Variants in CLPB observed in about 807,000 individuals in gnomAD.
The protein encoded by CLPB is mitochondrial disaggregase.
CLPB carries 40 observed loss-of-function variants against 78.4 expected under a neutral mutation model. That is an observed-to-expected ratio of 0.51 (90% confidence interval 0.40 to 0.66). CLPB has a LOEUF of 0.66. CLPB is among the 30% of genes least tolerant of loss of function. The probability of loss-of-function intolerance (pLI) is 0.00; values close to 1 mark genes in which losing one functional copy is unlikely to be tolerated. For synonymous variants in CLPB, 333 were observed against 348.0 expected, an observed-to-expected ratio of 0.96 and a Z score of 0.48; for missense variants, 780 against 886.9, an observed-to-expected ratio of 0.88 and a Z score of 1.53.
chr11:72,376,292 T>G (rs542476468), intron 4 of CLPB, among the ~76,000 whole-genome samples: 3 of 152,310 alleles, frequency 2.0e-5, no homozygotes, highest in African/African-American at 7.2e-5. Flanking sequence ...TGCATACAAT[T>G]GGCAGTCAAT....
intron 6 of CLPB, 150 bp from the exon 7 acceptor site, chr11:72,317,370 C>T: frequency 1.7e-6 from 1 of 584,954 alleles, no homozygotes; most frequent in South Asian, 2.2e-5. Context: ...GCTGGTCCAG[C>T]CCTTTCCACT....
At chr11:72,356,496 T>C (rs947356010) in intron 5 of CLPB, among the ~76,000 whole-genome samples, 1 of 151,110 alleles carries the variant, frequency 6.6e-6, no homozygotes. Context: ...GGTCAGAAGT[T>C]GGCAGCCTGC....
At chr11:72,392,670 T>C (rs920030012) in intron 3 of CLPB, among the ~76,000 whole-genome samples, 2 of 152,226 alleles carry the variant, frequency 1.3e-5, no homozygotes, top group Non-Finnish European at 2.9e-5. Flanking sequence ...ACACTTTATA[T>C]TCACTATTTC....
Position 72,329,753 on chromosome 11 carries a change from G to T in CLPB, c.827C>A (p.Ala276Asp). The T allele has an allele frequency of 6.2e-7, 1 of 1,613,866 alleles. No individual in the cohort carries two copies. Among genetic ancestry groups the T allele is most frequent in the Non-Finnish European group, 8.5e-7 (1 of 1,179,868 alleles). Residue 276 changes from alanine (A) to aspartate (D), a missense_variant, in exon 6 of 16, where the codon GCC becomes GAC. Coordinates refer to ENST00000538039, the MANE Select transcript of CLPB (RefSeq NM_001258392.3). The stretch of plus-strand genomic sequence containing the variant: ...AAGCTTCATCACTTCCCCTTCTCGG[G>T]CATAATCCAAGGGTGTGTGTCCCAT... ...NEMGHTPLDY[A>D]REGEVMKLLR...
chr11:72,340,882 G>A (rs1181292990), intron 5 of CLPB, among the ~76,000 whole-genome samples: 1 of 152,180 alleles, frequency 6.6e-6, no homozygotes, highest in Non-Finnish European at 1.5e-5. Flanking sequence ...CTGGAGTCTC[G>A]CTCTGTCGTC....
intron 3 of CLPB, among the ~76,000 whole-genome samples, chr11:72,400,945 A>C (rs144084634): frequency 6.6e-5 from 10 of 151,970 alleles, no homozygotes; most frequent in Admixed American, 6.6e-4. Context: ...TAGACTGCAA[A>C]CTCCCCAAGG....
At chr11:72,392,624 A>T (rs111799334) in intron 3 of CLPB, among the ~76,000 whole-genome samples, 1,639 of 152,352 alleles carry the variant, frequency 0.011, 34 homozygotes, top group East Asian at 0.063. Context: ...AAAAGTAAAG[A>T]TCAATAATCA....
intron 3 of CLPB, 65 bp downstream of exon 3, chr11:72,402,901 G>A: frequency 7.3e-7 from 1 of 1,367,570 alleles, no homozygotes; most frequent in Non-Finnish European, 1.0e-6. Flanking sequence ...AGGTGGGAGA[G>A]TGCTCAGGAG....
chr11:72,383,453 C>T (rs1198157075), intron 3 of CLPB, among the ~76,000 whole-genome samples: 2 of 151,380 alleles, frequency 1.3e-5, no homozygotes, highest in Non-Finnish European at 2.9e-5. Flanking sequence ...ATGGCGTGAA[C>T]CCGGGAGGCA....
intron 3 of CLPB, among the ~76,000 whole-genome samples, chr11:72,385,303 T>C (rs576735180): frequency 5.3e-5 from 8 of 152,362 alleles, no homozygotes; most frequent in African/African-American, 1.4e-4. Flanking sequence ...GCTATTTATG[T>C]AATATTCCCA....
chr11:72,403,123 A>G, intron 2 of CLPB, 71 bp from the exon 3 acceptor site: 1 of 1,392,444 alleles, frequency 7.2e-7, no homozygotes, highest in Admixed American at 1.7e-5. Context: ...AGCCTAAAAC[A>G]AGACAGAGGA....
At chr11:72,356,702 G>A (rs370792427) in intron 5 of CLPB, among the ~76,000 whole-genome samples, 85 of 152,326 alleles carry the variant, frequency 5.6e-4, no homozygotes, top group African/African-American at 2.0e-3. Flanking sequence ...CCCCTGGAAC[G>A]GCTCAAAGGG....
At chr11:72,369,928 GT>G (rs148535384) in intron 4 of CLPB, among the ~76,000 whole-genome samples, 4,508 of 152,170 alleles carry the variant, frequency 0.03, 114 homozygotes, top group Non-Finnish European at 0.04. Context: ...TTATTGTTGG[GT>G]TTTTTTCCCC....
intron 3 of CLPB, among the ~76,000 whole-genome samples, chr11:72,380,877 A>T (rs991253586): frequency 6.6e-6 from 1 of 152,180 alleles, no homozygotes; most frequent in African/African-American, 2.4e-5. Context: ...GTCTGCTGAG[A>T]AAAACAATAA....
chr11:72,386,397 A>T (rs1484753405), intron 3 of CLPB, among the ~76,000 whole-genome samples: 17 of 152,196 alleles, frequency 1.1e-4, no homozygotes, highest in Non-Finnish European at 1.5e-5. Context: ...CATTTTAAAC[A>T]AATTACTTAT....
chr11:72,402,031 C>A (rs1482327655), intron 3 of CLPB, among the ~76,000 whole-genome samples: 1 of 151,872 alleles, frequency 6.6e-6, no homozygotes, highest in African/African-American at 2.4e-5. Context: ...GCTGAGGGTG[C>A]AGGAGCACTT....
At chr11:72,374,045 A>G (rs1951094409) in intron 4 of CLPB, among the ~76,000 whole-genome samples, 1 of 151,824 alleles carries the variant, frequency 6.6e-6, no homozygotes, top group Admixed American at 6.6e-5. Context: ...CATGGCTGAC[A>G]GGGGCACCGG....
rs1252271527 is a variant in CLPB at position 72,434,072 on chromosome 11, C to T, written c.403G>A (p.Asp135Asn). ...HCYSKSPSNK[D>N]AALLEAARAN... is the part of the protein sequence containing the mutation. ...CCTCAAACCCAGATCTCATAATCAC[C>T]CTTGTTGGACGGACTCTTGCTGTAG... Residue 135 changes from aspartate (D) to asparagine (N), a missense_variant and splice_region_variant, in exon 1 of 16, where the codon GAT becomes AAT. Physicochemically the swap from Asp to Asn is conservative, Grantham distance 23. Around this residue, in one of 3 missense-constraint regions of CLPB, gnomAD observed 417 missense variants for 414.7 expected, o/e 1.01. Transcript: ENST00000538039. 6.2e-7 allele frequency: 1 copy of T among 1,609,658 alleles called. No individual in the cohort carries two copies.
intron 4 of CLPB, 182 bp from the exon 5 acceptor site, chr11:72,359,190 A>G (rs1437451286): frequency 1.3e-6 from 1 of 788,956 alleles, no homozygotes; most frequent in Admixed American, 2.0e-5. Flanking sequence ...GAGGCCAGTT[A>G]GTTCCACAAT....
Sources: allele counts gnomAD v4.1 joint callset (sites outside exome capture counted in the v4.1 genomes callset), GRCh38; gene constraint gnomAD v4.1.1; regional missense constraint gnomAD v4.1.1; transcripts MANE v1.5; gene names NCBI Gene and HGNC (gene_info 2026-07-23, HGNC 2026-07-21).